The following ABCA13 variants were observed in gnomAD, a reference collection of about 807,000 sequenced individuals.
ABCA13 encodes the protein ATP binding cassette subfamily A member 13, also known as ATP-binding cassette sub-family A member 13.
A neutral mutation model predicts 478.7 loss-of-function variants in ABCA13; 476 were observed. The observed-to-expected ratio is 0.99, with a 90% confidence interval of 0.92 to 1.07. The LOEUF (loss-of-function observed/expected upper bound fraction) is 1.07, where lower values mean the gene tolerates loss of function less well. Ranked by LOEUF, ABCA13 falls within the 50% of genes least tolerant of loss-of-function variation. ABCA13 has a pLI of 0.00. For synonymous variants in ABCA13, 2,252 were observed against 2,158.9 expected, an observed-to-expected ratio of 1.04 and a Z score of -1.20; for missense variants, 6,060 against 5,910.6, an observed-to-expected ratio of 1.03 and a Z score of -0.83.
chr7:48,580,253 C>A lies in ABCA13; in HGVS notation c.14384C>A (p.Thr4795Lys), dbSNP rs765754177. 31 of 1,610,638 alleles carry A rather than the reference C, an allele frequency of 1.9e-5. No individual in the cohort carries two copies. Among genetic ancestry groups the A allele is most frequent in the Non-Finnish European group, 2.6e-5 (31 of 1,178,616 alleles). ...GCCGTGGACCTGTCTTCTGCTGGCA[C>A]GGCAGGCGTGCTCATTGGCTACTGT... ...GDAVDLSSAG[T>K]AGVLIGYCPQ... is the part of the protein sequence containing the mutation. Residue 4795 changes from threonine (T) to lysine (K), a missense_variant, in exon 56 of 62, where the codon ACG (threonine) becomes AAG (lysine). Around this residue, in one of 3 missense-constraint regions of ABCA13, gnomAD observed 1,627 missense variants for 1,571.0 expected, o/e 1.04. Coordinates refer to ENST00000435803, the MANE Select transcript of ABCA13 (RefSeq NM_152701.5).
At chr7:48,497,154 T>G (rs2130775076) in intron 48 of ABCA13, among the ~76,000 whole-genome samples, 1 of 152,232 alleles carries the variant, frequency 6.6e-6, no homozygotes, top group South Asian at 2.1e-4. Flanking sequence ...TTATTTAGAT[T>G]GGATAAGTTT....
chr7:48,509,739 T>C (rs1831513544), intron 50 of ABCA13, among the ~76,000 whole-genome samples: 3 of 152,220 alleles, frequency 2.0e-5, no homozygotes, highest in Non-Finnish European at 4.4e-5. Flanking sequence ...TGCTATAGAC[T>C]AAATGATTAT....
intron 51 of ABCA13, among the ~76,000 whole-genome samples, chr7:48,515,784 C>T (rs971897189): frequency 1.3e-5 from 2 of 152,002 alleles, no homozygotes; most frequent in Non-Finnish European, 2.9e-5. Flanking sequence ...TATTTTTAGG[C>T]CTTATTTTTT....
chr7:48,645,152 C>T (rs1042609641), intron 61 of ABCA13, among the ~76,000 whole-genome samples: 4 of 152,058 alleles, frequency 2.6e-5, no homozygotes, highest in South Asian at 2.1e-4. Flanking sequence ...AAATACATCA[C>T]GACATATTTC....
rs961979785 is a variant in ABCA13 at position 48,606,950 on chromosome 7, G to T, written c.14745-8335G>T. The stretch of plus-strand genomic sequence containing the variant: ...ATCTAGAGAGACACTTAGCCTTGCT[G>T]AGCTGCAGTGGGCTCCACCCAGTTC... On this transcript the variant is annotated intron_variant, in intron 58 of 61. Coordinates refer to ENST00000435803, the MANE Select transcript of ABCA13 (RefSeq NM_152701.5). Among the ~76,000 whole-genome samples, 9 of 152,330 alleles carry T rather than the reference G, an allele frequency of 5.9e-5. No homozygotes were observed. The South Asian group carries it at 1.0e-3, about 18-fold the overall frequency.
intron 15 of ABCA13, among the ~76,000 whole-genome samples, chr7:48,256,729 A>G (rs1305412803): frequency 2.0e-5 from 3 of 152,238 alleles, no homozygotes; most frequent in South Asian, 2.1e-4. Flanking sequence ...GCCATGTAGT[A>G]TAGTTTGGAG....
chr7:48,216,038 A>G (rs75421916), intron 3 of ABCA13, among the ~76,000 whole-genome samples: 5,504 of 152,262 alleles, frequency 0.036, 123 homozygotes, highest in East Asian at 0.12. Context: ...AGTTGTTTCC[A>G]CTTTTAGCCT....
chr7:48,482,876 G>A (rs1033931879), intron 46 of ABCA13, among the ~76,000 whole-genome samples, 200 bp from the exon 47 acceptor site: 8 of 152,294 alleles, frequency 5.3e-5, no homozygotes, highest in African/African-American at 1.9e-4. Flanking sequence ...AGTGCCTTCC[G>A]TTTTGCCTGG....
chr7:48,346,313 A>C (rs754510190), intron 29 of ABCA13, among the ~76,000 whole-genome samples: 1 of 152,226 alleles, frequency 6.6e-6, no homozygotes, highest in Admixed American at 6.5e-5. Context: ...AAGTCACACT[A>C]TAGTGAGACC....
intron 44 of ABCA13, among the ~76,000 whole-genome samples, chr7:48,468,778 A>G (rs1438232791): frequency 6.6e-6 from 1 of 152,178 alleles, no homozygotes; most frequent in Non-Finnish European, 1.5e-5. Context: ...TTCTGTTGAG[A>G]TACTCAGCTC....
intron 38 of ABCA13, among the ~76,000 whole-genome samples, chr7:48,402,254 G>A (rs953190372): frequency 1.3e-5 from 2 of 152,192 alleles, no homozygotes; most frequent in Admixed American, 6.5e-5. Flanking sequence ...GAACATGCAC[G>A]TTTGAGAACA....
At chr7:48,473,105 C>A (rs1827687410) in intron 45 of ABCA13, among the ~76,000 whole-genome samples, 1 of 152,134 alleles carries the variant, frequency 6.6e-6, no homozygotes, top group Admixed American at 6.5e-5. Flanking sequence ...GACTTAGTCA[C>A]TACCATGAGA....
At chr7:48,563,806 G>A (rs1244535407) in intron 55 of ABCA13, among the ~76,000 whole-genome samples, 1 of 113,580 alleles carries the variant, frequency 8.8e-6, no homozygotes, top group African/African-American at 3.9e-5. Context: ...GTGTGTGTGT[G>A]TGTGTGTGTG....
At chr7:48,314,880 C>T (rs565112050) in intron 26 of ABCA13, among the ~76,000 whole-genome samples, 3 of 151,938 alleles carry the variant, frequency 2.0e-5, no homozygotes, top group Non-Finnish European at 4.4e-5. Context: ...AATGAATATG[C>T]CACGATAGGT....
chr7:48,465,049 A>G (rs1826714229), intron 43 of ABCA13, among the ~76,000 whole-genome samples: 1 of 152,070 alleles, frequency 6.6e-6, no homozygotes, highest in Non-Finnish European at 1.5e-5. Flanking sequence ...GCCCAATCAA[A>G]CAGTGGTTCT....
At chr7:48,327,246 G>A (rs1481526293) in intron 27 of ABCA13, among the ~76,000 whole-genome samples, 1 of 152,120 alleles carries the variant, frequency 6.6e-6, no homozygotes, top group Non-Finnish European at 1.5e-5. Flanking sequence ...CTTTTCACAG[G>A]GCAGCAGGAG....
At chr7:48,268,407 C>G (rs2128740686) in intron 15 of ABCA13, among the ~76,000 whole-genome samples, 1 of 152,274 alleles carries the variant, frequency 6.6e-6, no homozygotes, top group African/African-American at 2.4e-5. Flanking sequence ...GATCCATCTG[C>G]CTCGGCCTCC....
chr7:48,329,910 C>T (rs1488874602), intron 27 of ABCA13, among the ~76,000 whole-genome samples: 3 of 151,924 alleles, frequency 2.0e-5, no homozygotes, highest in African/African-American at 7.3e-5. Context: ...CCTATCCACC[C>T]ATTCATTCAT....
chr7:48,511,106 G>A lies in ABCA13; in HGVS notation c.13547G>A (p.Cys4516Tyr), dbSNP rs752960676. Residue 4516 changes from cysteine to tyrosine, a missense_variant, in exon 51 of 62, where the codon TGC becomes TAC. Physicochemically the swap from Cys to Tyr is radical, Grantham distance 194. Coordinates refer to ENST00000435803, the MANE Select transcript of ABCA13 (RefSeq NM_152701.5). ...CAGCTCTTTTACTTGGTTTCCGTCT[G>A]CCTGTGTGTTGCCGTTATTGTCGCC... ...YDMLFYLVSV[C>Y]LCVAVIVAFQ... 5.6e-6 allele frequency: 9 copies of A among 1,613,432 alleles called. No homozygotes were observed. Among genetic ancestry groups the A allele is most frequent in the Non-Finnish European group, 7.6e-6 (9 of 1,179,656 alleles).
Sources: allele counts gnomAD v4.1 joint callset (sites outside exome capture counted in the v4.1 genomes callset), GRCh38; gene constraint gnomAD v4.1.1; regional missense constraint gnomAD v4.1.1; transcripts MANE v1.5; gene names NCBI Gene and HGNC (gene_info 2026-07-23, HGNC 2026-07-21).